The following COP1 variants were observed in gnomAD, a reference collection of about 807,000 sequenced individuals.
COP1 encodes COP1 E3 ubiquitin ligase.
Under a neutral mutation model 101.3 loss-of-function variants are expected in COP1, and 24 were observed. The ratio of observed to expected loss-of-function variants is 0.24; its 90% CI spans 0.17 to 0.33. The LOEUF (loss-of-function observed/expected upper bound fraction) is 0.33. Among genes scored for constraint, COP1 ranks in the 10% least tolerant of loss-of-function variants. The probability of loss-of-function intolerance (pLI) is 1.00; values close to 1 mark genes in which losing one functional copy is unlikely to be tolerated. For missense variants in COP1, 663 were observed against 906.2 expected (o/e 0.73, Z 3.45); for synonymous variants, 347 against 341.9 (o/e 1.01, Z -0.17).
chr1:176,127,502 T>C (rs946364989), intron 8 of COP1, among the ~76,000 whole-genome samples: 1 of 152,094 alleles, frequency 6.6e-6, no homozygotes, highest in South Asian at 2.1e-4. Flanking sequence ...TCTAGGTTCA[T>C]CTGTGTTGGT....
chr1:176,046,316 A>C lies in COP1; in HGVS notation c.1286T>G (p.Phe429Cys). The change falls in exon 12 of 20, where the codon TTT (phenylalanine) becomes TGT (cysteine). Residue 429 changes from phenylalanine (F) to cysteine (C), a missense_variant. By Grantham distance (205) the Phe-to-Cys change is radical. Transcript: ENST00000367669. ...NGSSIVSSIEFDRDCDYFAIA... is the reference protein window; with the variant it reads ...NGSSIVSSIECDRDCDYFAIA... ...CGCAAAATAGTCACAATCCCGGTCA[A>C]ATTCAATACTAAGGGGAAAAAGTAT... 2 of 1,607,872 alleles carry C rather than the reference A, an allele frequency of 1.2e-6. No homozygotes were observed. The highest frequency in any genetic ancestry group is 1.7e-6 in the Non-Finnish European group (2 of 1,178,336).
At chr1:176,112,557 G>A (rs1685481532) in intron 9 of COP1, among the ~76,000 whole-genome samples, 1 of 152,156 alleles carries the variant, frequency 6.6e-6, no homozygotes, top group Non-Finnish European at 1.5e-5. Context: ...TATCATTTGT[G>A]TTGGAAACAC....
chr1:176,174,142 A>G (rs930106181), intron 3 of COP1, among the ~76,000 whole-genome samples: 3 of 152,140 alleles, frequency 2.0e-5, no homozygotes, highest in African/African-American at 7.2e-5. Flanking sequence ...TTGTGAACTA[A>G]GGAATGTTGC....
chr1:175,992,605 G>C (rs61820954), intron 15 of COP1, among the ~76,000 whole-genome samples: 10,042 of 152,318 alleles, frequency 0.066, 412 homozygotes, highest in Middle Eastern at 0.12. Context: ...TCCCGCACCT[G>C]GCTCGGAGGG....
At chr1:176,043,371 G>A (rs1670974706) in intron 13 of COP1, 104 bp from the exon 14 acceptor site, 4 of 683,530 alleles carry the variant, frequency 5.9e-6, no homozygotes, top group Non-Finnish European at 1.0e-5. Context: ...TACGGGGAGA[G>A]GGAAAGACAA....
At chr1:176,114,137 C>T (rs1685769170) in intron 9 of COP1, among the ~76,000 whole-genome samples, 1 of 152,002 alleles carries the variant, frequency 6.6e-6, no homozygotes, top group Admixed American at 6.6e-5. Context: ...AGCCAGTTTC[C>T]AGATACAGGG....
intron 5 of COP1, among the ~76,000 whole-genome samples, chr1:176,159,315 C>G (rs1339525272): frequency 1.3e-5 from 2 of 152,096 alleles, no homozygotes; most frequent in Non-Finnish European, 1.5e-5. Context: ...CTCAGCTGTA[C>G]TGGTTATTAC....
intron 15 of COP1, among the ~76,000 whole-genome samples, chr1:175,998,483 GAAAA>G (rs139895086): frequency 6.9e-6 from 1 of 145,628 alleles, no homozygotes; most frequent in Non-Finnish European, 1.5e-5. Context: ...TAAAAAAAGA[GAAAA>G]AAAAGAAAAA....
At chr1:176,141,036 T>C (rs995488078) in intron 6 of COP1, among the ~76,000 whole-genome samples, 15 of 152,312 alleles carry the variant, frequency 9.8e-5, no homozygotes, top group African/African-American at 3.4e-4. Flanking sequence ...TTGGTGCAGG[T>C]AGGTATCATT....
intron 8 of COP1, among the ~76,000 whole-genome samples, chr1:176,133,399 G>C (rs1689273334): frequency 6.6e-6 from 1 of 151,302 alleles, no homozygotes; most frequent in Admixed American, 6.6e-5. Context: ...CTCTTTATGT[G>C]CTCTATTATT....
chr1:176,150,483 C>G (rs967331158), intron 5 of COP1, among the ~76,000 whole-genome samples: 1 of 152,204 alleles, frequency 6.6e-6, no homozygotes, highest in African/African-American at 2.4e-5. Context: ...AGAACAAACT[C>G]ACATGGGCTC....
Position 176,206,485 on chromosome 1 carries a change from C to A in COP1, c.407+87G>T, listed in dbSNP as rs906562888. On this transcript the variant is annotated intron_variant, in intron 1 of 19. Transcript: ENST00000367669. ...CAGTATCCCAAGCTCTCCAACAAGCCACCCCCACACCAGACCCCCCGCCCC... is the reference window on the plus strand; with the variant it reads ...CAGTATCCCAAGCTCTCCAACAAGCAACCCCCACACCAGACCCCCCGCCCC... 3.3e-6 allele frequency: 5 copies of A among 1,497,926 alleles called. No homozygotes were observed. In the Admixed American group the frequency reaches 9.2e-5, roughly 27 times the overall value. 92.8% of individuals were successfully genotyped at this position (1,497,926 alleles called of 1,614,324 possible). A position where few individuals can be genotyped will look rare whatever the true frequency, so the allele number is the denominator to read the frequency against.
chr1:176,125,983 T>C (rs561526158), intron 8 of COP1, among the ~76,000 whole-genome samples: 2 of 152,322 alleles, frequency 1.3e-5, no homozygotes, highest in South Asian at 2.1e-4. Flanking sequence ...TGTGGCTTTA[T>C]AAATAAGAAT....
intron 15 of COP1, among the ~76,000 whole-genome samples, chr1:175,993,894 C>T (rs1463086596): frequency 2.0e-5 from 3 of 152,058 alleles, no homozygotes; most frequent in South Asian, 4.2e-4. Context: ...ATATAGAGAA[C>T]GCCACAAAGA....
rs149908256 is a variant in COP1, at chr1:176,151,849, T to A, written c.763-2775A>T. On this transcript the variant is annotated intron_variant, in intron 5 of 19. Coordinates refer to ENST00000367669, the MANE Select transcript of COP1 (RefSeq NM_022457.7). ...TTTTAAATATTTCACTATAAATGAGTAATTTGGTCCTTACAGGTTTAGTTA... is the reference window on the plus strand; with the variant it reads ...TTTTAAATATTTCACTATAAATGAGAAATTTGGTCCTTACAGGTTTAGTTA... Among the ~76,000 whole-genome samples, 400 of 152,072 alleles carry A rather than the reference T, an allele frequency of 2.6e-3. 3 individuals are homozygous for A. The highest frequency in any genetic ancestry group is 9.2e-3 in the African/African-American group (382 of 41,464).
chr1:176,055,343 G>A (rs1673267797), intron 11 of COP1, among the ~76,000 whole-genome samples: 2 of 152,336 alleles, frequency 1.3e-5, no homozygotes, highest in Non-Finnish European at 2.9e-5. Flanking sequence ...GCTGAGGCAG[G>A]AGAATCGCTT....
At chr1:176,167,307 C>T (rs1054040712) in intron 3 of COP1, among the ~76,000 whole-genome samples, 20 of 152,192 alleles carry the variant, frequency 1.3e-4, no homozygotes, top group African/African-American at 4.3e-4. Flanking sequence ...AAGACATCAG[C>T]TAGCATCTTA....
intron 14 of COP1, among the ~76,000 whole-genome samples, chr1:176,031,040 T>C (rs918897768): frequency 1.3e-5 from 2 of 152,064 alleles, no homozygotes; most frequent in African/African-American, 4.8e-5. Flanking sequence ...AGAATGACCA[T>C]CAATAACCAG....
intron 15 of COP1, among the ~76,000 whole-genome samples, chr1:176,000,060 G>T (rs1327208522): frequency 1.3e-5 from 2 of 152,054 alleles, no homozygotes; most frequent in African/African-American, 4.8e-5. Context: ...TCTGTGGGTT[G>T]TCTCTGCACT....
Sources: gnomAD v4.1 joint callset for allele counts (sites outside exome capture counted in the v4.1 genomes callset) on GRCh38, gnomAD v4.1.1 for gene constraint, MANE v1.5 for transcripts, NCBI Gene and HGNC (gene_info 2026-07-23, HGNC 2026-07-21) for gene names.